TTC14: variants seen among roughly 807,000 people sequenced by gnomAD.
TTC14 encodes the protein tetratricopeptide repeat protein 14.
In TTC14, 63 loss-of-function variants were observed where a neutral mutation model predicts 79.9. The ratio of observed to expected loss-of-function variants is 0.79; its 90% CI spans 0.64 to 0.97. The LOEUF is 0.97. Among genes scored for constraint, TTC14 ranks in the 50% least tolerant of loss-of-function variants. The probability of loss-of-function intolerance (pLI) is 0.00; values close to 1 mark genes in which losing one functional copy is unlikely to be tolerated. For missense variants in TTC14, 895 were observed against 894.0 expected, an observed-to-expected ratio of 1.00 and a Z score of -0.01; for synonymous variants, 335 against 309.6, an observed-to-expected ratio of 1.08 and a Z score of -0.86.
chr3:180,613,724 T>G, downstream of TTC14: 1 of 382,192 alleles, frequency 2.6e-6, no homozygotes. Context: ...GAATAAGAAC[T>G]TTGATGAGCA....
rs1185954785 is a variant in TTC14, at chr3:180,609,870, T to G, written c.1641T>G (p.Phe547Leu). Residue 547 changes from phenylalanine (F) to leucine (L), a missense_variant, in exon 12 of 12, where the codon TTT (phenylalanine) becomes TTG (leucine). Physicochemically the swap from Phe to Leu is conservative, Grantham distance 22 (BLOSUM62 0). Transcript: ENST00000296015. ...YPVPANTSAS[F>L]LNHKQEVEKL... ...TTCCAGCTAATACTTCAGCATCTTT[T>G]CTTAACCATAAACAAGAAGTGGAGA... 6.2e-7 allele frequency: 1 copy of G among 1,613,778 alleles called. No homozygotes were observed. The highest frequency in any genetic ancestry group is 8.5e-7 in the Non-Finnish European group (1 of 1,179,866).
downstream of TTC14, chr3:180,614,770 A>C: frequency 1.6e-6 from 1 of 615,218 alleles, no homozygotes; most frequent in Non-Finnish European, 2.7e-6. Flanking sequence ...AGAGAAAATG[A>C]GAACGTTCCT....
At chr3:180,602,675 C>T in intron 1 of TTC14, 1 of 707,972 alleles carries the variant, frequency 1.4e-6, no homozygotes, top group South Asian at 2.1e-5. Context: ...CTTGAGCTTT[C>T]CTATCTGAGT....
chr3:180,610,020 A>G lies in TTC14; in HGVS notation c.1791A>G (p.Pro597=), dbSNP rs145633738. ...ATTTTGGAGGTAGGTCTGAAGATCC[A>G]AGAGATTTTTATAACAGCTATAAAA... is the stretch of plus-strand genomic sequence containing the variant. The part of the protein sequence containing the change: ...PDDFGGRSED[P]RDFYNSYKTQ... The change falls in exon 12 of 12, where the codon CCA becomes CCG. Residue 597 remains proline (P), a synonymous_variant. Coordinates refer to ENST00000296015, the MANE Select transcript of TTC14 (RefSeq NM_133462.4). 17 of 1,613,988 alleles carry G rather than the reference A, an allele frequency of 1.1e-5. No individual in the cohort carries two copies. In the African/African-American group the frequency reaches 1.3e-4, roughly 13 times the overall value.
intron 3 of TTC14, 74 bp from the exon 4 acceptor site, chr3:180,604,151 A>G (rs547360288): frequency 1.2e-5 from 16 of 1,319,874 alleles, no homozygotes; most frequent in Non-Finnish European, 1.7e-5. Context: ...CATACCAAAC[A>G]ACTAAGATAA....
Position 180,609,436 on chromosome 3 carries a change from C to T in TTC14, c.1401-194C>T, listed in dbSNP as rs1462505043. 7 of 1,282,720 alleles carry T rather than the reference C, an allele frequency of 5.5e-6. No individual in the cohort carries two copies. In the African/African-American group the frequency reaches 1.1e-4, roughly 20 times the overall value. The allele number at this position is 1,282,720 out of a possible 1,614,324, so 79.5% of individuals were successfully genotyped here. On this transcript the variant is annotated intron_variant, in intron 11 of 11. Coordinates refer to ENST00000296015, the MANE Select transcript of TTC14 (RefSeq NM_133462.4). ...GATGATGGATTTGCTTACAATGATA[C>T]CTGTCTGCAAGCATTTTTTCCCCCA...
At chr3:180,607,625 C>T in intron 9 of TTC14, 23 bp from the exon 10 acceptor site, 1 of 1,591,578 alleles carries the variant, frequency 6.3e-7, no homozygotes, top group Non-Finnish European at 8.5e-7. Flanking sequence ...TACAAAAAAG[C>T]TAAATCTTTC....
downstream of TTC14, chr3:180,617,951 T>A (rs1717309387): frequency 6.5e-6 from 1 of 153,208 alleles, no homozygotes; most frequent in Non-Finnish European, 1.5e-5. Context: ...CAAGCTCCAT[T>A]TATGGTAAGT....
At chr3:180,611,463 TTTC>T (rs1482109868), downstream of TTC14, among the ~76,000 whole-genome samples, 1 of 152,216 alleles carries the variant, frequency 6.6e-6, no homozygotes, top group African/African-American at 2.4e-5. Context: ...CTGACCTGCA[TTTC>T]TTCTTACCAC....
Position 180,608,756 on chromosome 3 carries a change from A to C in TTC14, c.1346A>C (p.Lys449Thr), listed in dbSNP as rs767466523. 4.1e-5 allele frequency: 64 copies of C among 1,564,180 alleles called. No homozygotes were observed. The highest frequency in any genetic ancestry group is 4.9e-5 in the Non-Finnish European group (57 of 1,158,748). ...QAEKEEKQKT[K>T]KIETSAEKLR... ...GAAAAGGAAGAAAAGCAGAAAACAA[A>C]GAAAATAGAAACAAGTGCAGAAAAG... The change falls in exon 11 of 12, where the codon AAG becomes ACG. Residue 449 changes from lysine to threonine, a missense_variant. By Grantham distance (78) the Lys-to-Thr change is moderately conservative (BLOSUM62 -1). Transcript: ENST00000296015.
chr3:180,609,120 C>T, intron 11 of TTC14: 4 of 796,802 alleles, frequency 5.0e-6, no homozygotes, highest in Non-Finnish European at 6.2e-6. Context: ...TGGATTTATT[C>T]ACCCGGGGAC....
In TTC14 at chr3:180,610,952, T is replaced by C. The variant is rs1012479490; in HGVS notation, c.*410T>C. On this transcript the variant is annotated 3_prime_UTR_variant, in exon 12 of 12. Coordinates refer to ENST00000296015, the MANE Select transcript of TTC14 (RefSeq NM_133462.4). ...TAATTTCATTTTCTTTTCTGTTAAA[T>C]TAAAAATCGTCAGCTTTTGAAAGAT... 3 of 966,584 alleles carry C rather than the reference T, an allele frequency of 3.1e-6. No individual in the cohort carries two copies. In the Admixed American group the frequency reaches 1.8e-4, roughly 59 times the overall value. The allele number at this position is 966,584 out of a possible 1,614,324, so 59.9% of individuals were successfully genotyped here. A position where few individuals can be genotyped will look rare whatever the true frequency, so the allele number is the denominator to read the frequency against.
chr3:180,608,043 A>T, intron 10 of TTC14: 2 of 1,112,248 alleles, frequency 1.8e-6, no homozygotes, highest in Non-Finnish European at 2.2e-6. Flanking sequence ...TGGTTTTTAA[A>T]TTATTGTTGC....
At chr3:180,606,868 G>A (rs1046303912) in intron 9 of TTC14, among the ~76,000 whole-genome samples, 1 of 152,014 alleles carries the variant, frequency 6.6e-6, no homozygotes, top group Middle Eastern at 3.2e-3. Context: ...TGCAATATTC[G>A]TTTATAATTT....
intron 3 of TTC14, 133 bp downstream of exon 3, chr3:180,603,456 A>G (rs1716499993): frequency 1.3e-6 from 1 of 798,454 alleles, no homozygotes; most frequent in Non-Finnish European, 2.0e-6. Flanking sequence ...TTAATTGGAG[A>G]AAAATAGTTT....
Position 180,602,324 on chromosome 3 carries a change from T to A in TTC14, c.63T>A (p.Leu21=). The A allele has an allele frequency of 6.2e-7, 1 of 1,613,750 alleles. No individual in the cohort carries two copies. Among genetic ancestry groups the A allele is most frequent in the Non-Finnish European group, 8.5e-7 (1 of 1,179,982 alleles). Residue 21 remains leucine, a synonymous_variant, in exon 1 of 12, where the codon CTT becomes CTA. Transcript: ENST00000296015. Reference sequence around the variant, plus strand: ...ACGGGTCGTCTTTGCTCTCTCTACTTCGGAGCGAACAGCAGGACAATCCAC... The same window carrying A: ...ACGGGTCGTCTTTGCTCTCTCTACTACGGAGCGAACAGCAGGACAATCCAC... ...NCHGSSLLSL[L]RSEQQDNPHF...
At position 180,602,165 on chromosome 3, in the gene TTC14, A is replaced by G; in HGVS notation, c.-97A>G. On this transcript the variant is annotated 5_prime_UTR_variant, in exon 1 of 12. Transcript: ENST00000296015. Reference sequence around the variant, plus strand: ...TCTGTGTACTTCCGGCAGCCTCCAGACAGTTTCTTCCGCTTCCTGTACCAC... The same window carrying G: ...TCTGTGTACTTCCGGCAGCCTCCAGGCAGTTTCTTCCGCTTCCTGTACCAC... The G allele has an allele frequency of 6.7e-7, 1 of 1,490,116 alleles. No homozygotes were observed. Among genetic ancestry groups the G allele is most frequent in the Non-Finnish European group, 9.1e-7 (1 of 1,100,306 alleles). 92.3% of individuals were successfully genotyped at this position (1,490,116 alleles called of 1,614,324 possible).
At chr3:180,612,228 C>T (rs1287470707), downstream of TTC14, among the ~76,000 whole-genome samples, 1 of 152,152 alleles carries the variant, frequency 6.6e-6, no homozygotes, top group Non-Finnish European at 1.5e-5. Context: ...ATCCCTAGTT[C>T]AGCTTAAAAT....
In TTC14 at chr3:180,606,303, T is replaced by A; in HGVS notation, c.980T>A (p.Met327Lys). The change falls in exon 8 of 12, where the codon ATG (methionine) becomes AAG (lysine). Residue 327 changes from methionine (M) to lysine (K), a missense_variant. Physicochemically the swap from Met to Lys is moderately conservative, Grantham distance 95. Transcript: ENST00000296015. ...AAAGTTGGACGCCATGTGGATGCTA[T>A]GAATGAATACAATAAAGCTTTGGAA... ...YFKVGRHVDA[M>K]NEYNKALEID... 2 of 1,614,162 alleles carry A rather than the reference T, an allele frequency of 1.2e-6. No homozygotes were observed. Among genetic ancestry groups the A allele is most frequent in the Non-Finnish European group, 1.7e-6 (2 of 1,179,998 alleles).
Sources: allele counts gnomAD v4.1 joint callset (sites outside exome capture counted in the v4.1 genomes callset), GRCh38; gene constraint gnomAD v4.1.1; transcripts MANE v1.5; gene names NCBI Gene and HGNC (gene_info 2026-07-23, HGNC 2026-07-21).